MEGF8: variants seen among roughly 807,000 people sequenced by gnomAD.
The protein encoded by MEGF8 is multiple EGF like domains 8.
MEGF8 carries 156 observed loss-of-function variants against 302.9 expected under a neutral mutation model. The ratio of observed to expected loss-of-function variants is 0.52; its 90% CI spans 0.45 to 0.59. The LOEUF (loss-of-function observed/expected upper bound fraction) is 0.59, where lower values mean the gene tolerates loss of function less well. Ranked by LOEUF, MEGF8 falls within the 20% of genes least tolerant of loss-of-function variation. MEGF8 has a pLI of 0.00. For missense variants in MEGF8, 3,345 were observed against 3,964.5 expected, an observed-to-expected ratio of 0.84 and a Z score of 4.20; for synonymous variants, 1,621 against 1,660.5, an observed-to-expected ratio of 0.98 and a Z score of 0.58.
Position 42,336,656 on chromosome 19 carries a change from G to A in MEGF8, c.1245-151G>A. On this transcript the variant is annotated intron_variant, in intron 6 of 41. Coordinates refer to ENST00000251268, the MANE Select transcript of MEGF8 (RefSeq NM_001271938.2). This position sits in a 1 kb window ranked among gnomAD's most constrained non-coding sequence, Gnocchi z 4.8. Reference sequence around the variant, plus strand: ...GCAGGTAACTCAGAGATGACTCAGGGTCCTGCCCACAGGGAACTTCTAGTT... The same window carrying A: ...GCAGGTAACTCAGAGATGACTCAGGATCCTGCCCACAGGGAACTTCTAGTT... 1.7e-6 allele frequency: 2 copies of A among 1,203,012 alleles called. No individual in the cohort carries two copies. Among genetic ancestry groups the A allele is most frequent in the Non-Finnish European group, 2.3e-6 (2 of 879,852 alleles). 74.5% of individuals were successfully genotyped at this position (1,203,012 alleles called of 1,614,324 possible).
chr19:42,375,961 T>C lies in MEGF8; in HGVS notation c.7724T>C (p.Ile2575Thr), dbSNP rs368743788. Residue 2575 changes from isoleucine to threonine, a missense_variant, in exon 42 of 42, where the codon ATT becomes ACT. Physicochemically the swap from Ile to Thr is moderately conservative, Grantham distance 89. Transcript: ENST00000251268. The surrounding 1 kb of genome is among the most constrained non-coding windows in gnomAD (Gnocchi z 7.1). ...RVREVWPRGLITYVTVTEPSA... is the reference protein window; with the variant it reads ...RVREVWPRGLTTYVTVTEPSA... ...CGGGAGGTATGGCCGCGGGGCCTGA[T>C]TACCTACGTGACGGTGACGGAGCCG... 5 of 1,606,172 alleles carry C rather than the reference T, an allele frequency of 3.1e-6. No individual in the cohort carries two copies. In the African/African-American group the frequency reaches 5.3e-5, roughly 17 times the overall value.
chr19:42,350,081 A>G, intron 14 of MEGF8, 67 bp from the exon 15 acceptor site: 1 of 1,304,252 alleles, frequency 7.7e-7, no homozygotes, highest in Non-Finnish European at 1.1e-6. Flanking sequence ...CCTTACTTTC[A>G]GTTAGCGCCA....
chr19:42,337,049 G>A, intron 7 of MEGF8, 35 bp from the exon 8 acceptor site: 1 of 1,613,228 alleles, frequency 6.2e-7, no homozygotes, highest in Non-Finnish European at 8.5e-7. Context: ...ACCTCCCCTA[G>A]GCTTGCCAGC....
Position 42,344,466 on chromosome 19 carries a change from TG to T in MEGF8, c.1817del (p.Gly606AlafsTer105), listed in dbSNP as rs2039259483. The T allele has an allele frequency of 6.3e-7, 1 of 1,596,356 alleles. No homozygotes were observed. Among genetic ancestry groups the T allele is most frequent in the Non-Finnish European group, 8.5e-7 (1 of 1,178,500 alleles). On this transcript the variant is annotated frameshift_variant, in exon 11 of 42. Coordinates refer to ENST00000251268, the MANE Select transcript of MEGF8 (RefSeq NM_001271938.2). LOFTEE classifies it high-confidence loss of function. This position sits in a 1 kb window ranked among gnomAD's most constrained non-coding sequence, Gnocchi z 4.5. ...TGTCCAGCCGCCAGCTGCCTGGGCC[TG>T]GGCCGCCTCCTGGGTGACTGCCAGG... is the stretch of plus-strand genomic sequence containing the variant. Reference protein sequence around the residue: ...GACPAASCLGLGRLLGDCQAC... With the variant: ...GACPAASCLGXGRLLGDCQAC...
In MEGF8 at chr19:42,356,733, G is replaced by A. The variant is rs1411191622; in HGVS notation, c.4623-41G>A. The A allele has an allele frequency of 5.3e-6, 8 of 1,514,444 alleles. No individual in the cohort carries two copies. The highest frequency in any genetic ancestry group is 2.3e-4 in the Middle Eastern group (1 of 4,304). The allele number at this position is 1,514,444 out of a possible 1,614,324, so 93.8% of individuals were successfully genotyped here. A position where few individuals can be genotyped will look rare whatever the true frequency, so the allele number is the denominator to read the frequency against. On this transcript the variant is annotated intron_variant, in intron 26 of 41. Coordinates refer to ENST00000251268, the MANE Select transcript of MEGF8 (RefSeq NM_001271938.2). The surrounding 1 kb of genome is among the most constrained non-coding windows in gnomAD (Gnocchi z 5.2). ...GCAGGGTCACCTTGAAGGATGCTGG[G>A]ATGACTGTAATGAGGCTGCTTTTTT... is the stretch of plus-strand genomic sequence containing the variant.
chr19:42,351,168 G>A lies in MEGF8; in HGVS notation c.2737-48G>A. On this transcript the variant is annotated intron_variant, in intron 15 of 41. Transcript: ENST00000251268. The surrounding 1 kb of genome is among the most constrained non-coding windows in gnomAD (Gnocchi z 5.6). Reference sequence around the variant, plus strand: ...GTGGGATGGGCACTGGGAGTCCAAAGGAAAGGGCTGAGTGGGGTTCTGACT... The same window carrying A: ...GTGGGATGGGCACTGGGAGTCCAAAAGAAAGGGCTGAGTGGGGTTCTGACT... The A allele has an allele frequency of 1.3e-6, 2 of 1,512,914 alleles. No individual in the cohort carries two copies. Among genetic ancestry groups the A allele is most frequent in the Non-Finnish European group, 1.8e-6 (2 of 1,116,410 alleles). 93.7% of individuals were successfully genotyped at this position (1,512,914 alleles called of 1,614,324 possible). A position where few individuals can be genotyped will look rare whatever the true frequency, so the allele number is the denominator to read the frequency against.
Position 42,325,986 on chromosome 19 carries a change from C to T in MEGF8, c.-258C>T, listed in dbSNP as rs965142805. 3.3e-5 allele frequency: 15 copies of T among 453,864 alleles called. No homozygotes were observed. The South Asian group carries it at 4.1e-4, about 13-fold the overall frequency. 28.1% of individuals were successfully genotyped at this position (453,864 alleles called of 1,614,324 possible). ...TGTCTATAGGGGACTCCTACGGTCC[C>T]TAGGGTTCGGCCCCGTCCATAATGA... On this transcript the variant is annotated 5_prime_UTR_variant, in exon 1 of 42. Coordinates refer to ENST00000251268, the MANE Select transcript of MEGF8 (RefSeq NM_001271938.2).
chr19:42,343,289 A>G (rs1600030677), intron 8 of MEGF8, among the ~76,000 whole-genome samples, 188 bp from the exon 9 acceptor site: 1 of 152,236 alleles, frequency 6.6e-6, no homozygotes, highest in Non-Finnish European at 1.5e-5. Flanking sequence ...CAGAAAGATG[A>G]TTTGGGTAGG....
chr19:42,374,649 T>C (rs1194549813), intron 41 of MEGF8, among the ~76,000 whole-genome samples: 2 of 152,072 alleles, frequency 1.3e-5, no homozygotes, highest in Admixed American at 1.3e-4. Context: ...GCACCTAGTA[T>C]ATGGCAAGCA....
At position 42,369,710 on chromosome 19, in the gene MEGF8, G is replaced by T; in HGVS notation, c.6821G>T (p.Arg2274Leu). ...GCGCGTGACCACTGCTTGCTCTGCC[G>T]CAACCACACCAAGGTGGGCCGCCCG... is the stretch of plus-strand genomic sequence containing the variant. Reference protein sequence around the residue: ...VGARDHCLLCRNHTKGSHCEQ... With the variant: ...VGARDHCLLCLNHTKGSHCEQ... The change falls in exon 38 of 42, where the codon CGC becomes CTC. Residue 2274 changes from arginine (R) to leucine (L), a missense_variant. By Grantham distance (102) the Arg-to-Leu change is moderately radical. Coordinates refer to ENST00000251268, the MANE Select transcript of MEGF8 (RefSeq NM_001271938.2). This position sits in a 1 kb window ranked among gnomAD's most constrained non-coding sequence, Gnocchi z 5.7. 1 of 1,607,336 alleles carries T rather than the reference G, an allele frequency of 6.2e-7. No homozygotes were observed. The highest frequency in any genetic ancestry group is 8.5e-7 in the Non-Finnish European group (1 of 1,177,882).
rs560175509 is a variant in MEGF8, at chr19:42,360,387, C to T, written c.5489-388C>T. Among the ~76,000 whole-genome samples, 5 of 150,028 alleles carry T rather than the reference C, an allele frequency of 3.3e-5. No individual in the cohort carries two copies. The South Asian group carries it at 1.1e-3, about 32-fold the overall frequency. On this transcript the variant is annotated intron_variant, in intron 31 of 41. Transcript: ENST00000251268. ...TGGAGACATGGTCTTGTTCTGTTGC[C>T]CAGGCTGGAGTGCAGTGGTGCAATC...
intron 12 of MEGF8, among the ~76,000 whole-genome samples, chr19:42,345,496 G>A (rs2039276718): frequency 6.6e-6 from 1 of 152,154 alleles, no homozygotes; most frequent in African/African-American, 2.4e-5. Context: ...TCCATCTCTG[G>A]ATTTGCCAGT....
rs754017719 is a variant in MEGF8 at position 42,368,544 on chromosome 19, T to G, written c.6363T>G (p.Cys2121Trp). Residue 2121 changes from cysteine (C) to tryptophan (W), a missense_variant, in exon 36 of 42, where the codon TGT becomes TGG. Coordinates refer to ENST00000251268, the MANE Select transcript of MEGF8 (RefSeq NM_001271938.2). This position sits in a 1 kb window ranked among gnomAD's most constrained non-coding sequence, Gnocchi z 4.9. ...LRGPESCSLGCAQATQCALCL... is the reference protein window; with the variant it reads ...LRGPESCSLGWAQATQCALCL... Reference sequence around the variant, plus strand: ...GACCTGAGAGCTGCTCCCTGGGCTGTGCTCAGGCAACTCAGTGCGCCTTGT... The same window carrying G: ...GACCTGAGAGCTGCTCCCTGGGCTGGGCTCAGGCAACTCAGTGCGCCTTGT... The G allele has an allele frequency of 6.2e-7, 1 of 1,603,030 alleles. No individual in the cohort carries two copies. Among genetic ancestry groups the G allele is most frequent in the Admixed American group, 1.7e-5 (1 of 58,684 alleles).
At chr19:42,333,789 G>A (rs1424854002) in intron 2 of MEGF8, 21 bp downstream of exon 2, 1 of 1,611,230 alleles carries the variant, frequency 6.2e-7, no homozygotes, top group African/African-American at 1.3e-5. Context: ...ATGGGGCCGT[G>A]GCAGATACAC....
rs1347335120 is a variant in MEGF8 at position 42,354,289 on chromosome 19, G to T, written c.4011+265G>T. ...CTCAATCTCCCCATTCCTAGAGCAG[G>T]AATGGTAAATTGTTACACCTTGTAC... On this transcript the variant is annotated intron_variant, in intron 22 of 41. Coordinates refer to ENST00000251268, the MANE Select transcript of MEGF8 (RefSeq NM_001271938.2). This position sits in a 1 kb window ranked among gnomAD's most constrained non-coding sequence, Gnocchi z 4.3. Among the ~76,000 whole-genome samples, 1 of 151,978 alleles carries T rather than the reference G, an allele frequency of 6.6e-6. No homozygotes were observed. Among genetic ancestry groups the T allele is most frequent in the East Asian group, 1.9e-4 (1 of 5,182 alleles).
chr19:42,327,960 T>G (rs1323538323), intron 1 of MEGF8, among the ~76,000 whole-genome samples: 1 of 152,184 alleles, frequency 6.6e-6, no homozygotes, highest in Non-Finnish European at 1.5e-5. Context: ...CTGGGTGTGA[T>G]GGCGCGCGCC....
chr19:42,344,331 C>G lies in MEGF8; in HGVS notation c.1789-110C>G. On this transcript the variant is annotated intron_variant, in intron 10 of 41. Transcript: ENST00000251268. The surrounding 1 kb of genome is among the most constrained non-coding windows in gnomAD (Gnocchi z 4.5). Reference sequence around the variant, plus strand: ...CCACATTCCAAGTCAACTCCCCGTTCTTCAGTTTTTTCGCCCTTTCCATCG... The same window carrying G: ...CCACATTCCAAGTCAACTCCCCGTTGTTCAGTTTTTTCGCCCTTTCCATCG... 1 of 1,323,310 alleles carries G rather than the reference C, an allele frequency of 7.6e-7. No homozygotes were observed. The highest frequency in any genetic ancestry group is 3.0e-5 in the East Asian group (1 of 32,870). The allele number at this position is 1,323,310 out of a possible 1,614,324, so 82.0% of individuals were successfully genotyped here.
chr19:42,341,482 T>G (rs1442434467), intron 8 of MEGF8, among the ~76,000 whole-genome samples: 2 of 151,954 alleles, frequency 1.3e-5, no homozygotes, highest in Non-Finnish European at 2.9e-5. Context: ...TAAAATTTTT[T>G]GTAGAGATGA....
At chr19:42,364,897 C>T (rs1382468733) in intron 35 of MEGF8, among the ~76,000 whole-genome samples, 1 of 152,178 alleles carries the variant, frequency 6.6e-6, no homozygotes, top group Admixed American at 6.5e-5. Flanking sequence ...GCCTGCCATT[C>T]AGGAAGCACT....
Sources: gnomAD v4.1 joint callset for allele counts (sites outside exome capture counted in the v4.1 genomes callset) on GRCh38, gnomAD v4.1.1 for gene constraint, Gnocchi (gnomAD v3.1) non-coding constraint, MANE v1.5 for transcripts, NCBI Gene and HGNC (gene_info 2026-07-23, HGNC 2026-07-21) for gene names.